Variants in TUT4 observed in about 807,000 individuals in gnomAD.
TUT4 encodes terminal uridylyltransferase 4.
TUT4 carries 36 observed loss-of-function variants against 192.2 expected under a neutral mutation model. The ratio of observed to expected loss-of-function variants is 0.19; its 90% CI spans 0.14 to 0.25. The LOEUF (loss-of-function observed/expected upper bound fraction) is 0.25. Among genes scored for constraint, TUT4 ranks in the 10% least tolerant of loss-of-function variants. The pLI is 1.00. For synonymous variants in TUT4, 618 were observed against 666.0 expected (o/e 0.93, Z 1.11); for missense variants, 1,493 against 1,957.2 (o/e 0.76, Z 4.47).
In TUT4 at chr1:52,431,477, A is replaced by T. The variant is rs1186061960; in HGVS notation, c.4264-17T>A. 7 of 1,457,248 alleles carry T rather than the reference A, an allele frequency of 4.8e-6. No homozygotes were observed. Among genetic ancestry groups the T allele is most frequent in the African/African-American group, 1.4e-5 (1 of 69,608 alleles). 90.3% of individuals were successfully genotyped at this position (1,457,248 alleles called of 1,614,324 possible). A position where few individuals can be genotyped will look rare whatever the true frequency, so the allele number is the denominator to read the frequency against. ...TGATTCAGACTGCAGACAAAAAAAA[A>T]ATTTTTTTTAATTAATTTATAAACA... is the stretch of plus-strand genomic sequence containing the variant. On this transcript the variant is annotated splice_polypyrimidine_tract_variant and intron_variant, in intron 27 of 29. Transcript: ENST00000257177.
chr1:52,520,765 C>A (rs1680025644), intron 2 of TUT4, among the ~76,000 whole-genome samples: 1 of 151,658 alleles, frequency 6.6e-6, no homozygotes, highest in African/African-American at 2.4e-5. Flanking sequence ...GGATTTAAAA[C>A]CACCTTACTT....
intron 1 of TUT4, among the ~76,000 whole-genome samples, chr1:52,539,641 A>T (rs1414141181): frequency 6.6e-6 from 1 of 152,178 alleles, no homozygotes; most frequent in African/African-American, 2.4e-5. Context: ...CTATAATCAC[A>T]GCACTTTGGG....
chr1:52,521,702 A>T (rs1336931449), intron 2 of TUT4, among the ~76,000 whole-genome samples: 1 of 151,674 alleles, frequency 6.6e-6, no homozygotes, highest in Non-Finnish European at 1.5e-5. Flanking sequence ...ACAGTGGCTC[A>T]CGCCTGTAAT....
At position 52,534,119 on chromosome 1, in the gene TUT4, T is replaced by G. The variant is rs1354979490; in HGVS notation, c.-93-7746A>C. ...CCTTGCCTAAGGAGAAGAGGTAACTTACTTCATCAGTGAGTTTGGGAAAAT... is the reference window on the plus strand; with the variant it reads ...CCTTGCCTAAGGAGAAGAGGTAACTGACTTCATCAGTGAGTTTGGGAAAAT... On this transcript the variant is annotated intron_variant, in intron 1 of 29. Transcript: ENST00000257177. Among the ~76,000 whole-genome samples, 3 of 152,204 alleles carry G rather than the reference T, an allele frequency of 2.0e-5. No homozygotes were observed. In the East Asian group the frequency reaches 5.8e-4, roughly 29 times the overall value.
chr1:52,515,722 G>T, intron 3 of TUT4, 169 bp downstream of exon 3: 1 of 752,042 alleles, frequency 1.3e-6, no homozygotes, highest in Non-Finnish European at 2.2e-6. Context: ...AAAAAGAGAG[G>T]CAAGGAAGAA....
intron 1 of TUT4, among the ~76,000 whole-genome samples, chr1:52,542,473 G>A (rs1466980216): frequency 6.6e-6 from 1 of 152,126 alleles, no homozygotes; most frequent in Non-Finnish European, 1.5e-5. Flanking sequence ...TGCAAGGATG[G>A]TTCAACATAT....
intron 28 of TUT4, 105 bp from the exon 29 acceptor site, chr1:52,425,612 A>G: frequency 7.6e-7 from 1 of 1,319,402 alleles, no homozygotes; most frequent in Non-Finnish European, 1.0e-6. Context: ...ATTGGCTAAG[A>G]ACTATGCTAA....
At chr1:52,510,317 C>CAAAAAAAAAAAAAAAAAAAAAAAAA in intron 3 of TUT4, among the ~76,000 whole-genome samples, 1 of 78,628 alleles carries the variant, frequency 1.3e-5, no homozygotes, top group Non-Finnish European at 2.6e-5. Context: ...TTCGTATTAA[C>CAAAAAAAAAAAAAAAAAAAAAAAAA]AAAAAAAAAA....
At chr1:52,455,418 A>T (rs570089488) in intron 20 of TUT4, among the ~76,000 whole-genome samples, 16 of 151,934 alleles carry the variant, frequency 1.1e-4, no homozygotes, top group Non-Finnish European at 2.2e-4. Flanking sequence ...GACCAGCCTG[A>T]GCAACATGGC....
intron 4 of TUT4, among the ~76,000 whole-genome samples, chr1:52,503,364 A>C (rs1472133637): frequency 6.6e-6 from 1 of 151,922 alleles, no homozygotes; most frequent in African/African-American, 2.4e-5. Flanking sequence ...TAAGAACTTT[A>C]CTCTGCCAAA....
At chr1:52,527,367 G>A (rs1182552571) in intron 1 of TUT4, among the ~76,000 whole-genome samples, 1 of 152,010 alleles carries the variant, frequency 6.6e-6, no homozygotes, top group African/African-American at 2.4e-5. Flanking sequence ...CCAACATAGT[G>A]AAACCCTGTC....
intron 19 of TUT4, among the ~76,000 whole-genome samples, chr1:52,459,328 C>T (rs1661865637): frequency 3.3e-5 from 5 of 151,420 alleles, no homozygotes; most frequent in Admixed American, 2.6e-4. Context: ...GTGGCTCATG[C>T]CTGTCATCTC....
intron 2 of TUT4, among the ~76,000 whole-genome samples, chr1:52,517,265 G>A (rs34811713): frequency 2.6e-4 from 40 of 152,226 alleles, no homozygotes; most frequent in Admixed American, 7.2e-4. Flanking sequence ...GCTAATGACC[G>A]GGGTCTTACT....
chr1:52,511,109 C>T (rs1228715011), intron 3 of TUT4, among the ~76,000 whole-genome samples: 2 of 152,114 alleles, frequency 1.3e-5, no homozygotes, highest in African/African-American at 2.4e-5. Context: ...AGCAACAATC[C>T]TGCTACAGAC....
chr1:52,471,324 T>C (rs2148840221), intron 14 of TUT4, among the ~76,000 whole-genome samples: 1 of 152,312 alleles, frequency 6.6e-6, no homozygotes, highest in Non-Finnish European at 1.5e-5. Flanking sequence ...CACTCTATGC[T>C]TTTATGCATA....
chr1:52,484,043 G>GCAAAA (rs1215770257), intron 9 of TUT4, among the ~76,000 whole-genome samples: 3 of 151,700 alleles, frequency 2.0e-5, no homozygotes, highest in South Asian at 2.1e-4. Flanking sequence ...TCTTGAAAAA[G>GCAAAA]CAAAACAAAA....
chr1:52,464,947 A>G, intron 16 of TUT4, 123 bp downstream of exon 16: 1 of 653,418 alleles, frequency 1.5e-6, no homozygotes, highest in Non-Finnish European at 2.4e-6. Flanking sequence ...TCAAACACTT[A>G]TTTTGCTAAT....
intron 1 of TUT4, among the ~76,000 whole-genome samples, chr1:52,536,892 G>A (rs1325724163): frequency 3.3e-5 from 5 of 151,908 alleles, no homozygotes; most frequent in Admixed American, 6.6e-5. Context: ...TAGGCCGGGC[G>A]CGGTGGCTCA....
At chr1:52,531,164 G>A (rs1683287280) in intron 1 of TUT4, among the ~76,000 whole-genome samples, 1 of 151,508 alleles carries the variant, frequency 6.6e-6, no homozygotes, top group African/African-American at 2.4e-5. Context: ...TGGTAAATGG[G>A]TATTAAATGA....
Sources: gnomAD v4.1 joint callset for allele counts (sites outside exome capture counted in the v4.1 genomes callset) on GRCh38, gnomAD v4.1.1 for gene constraint, MANE v1.5 for transcripts, NCBI Gene and HGNC (gene_info 2026-07-23, HGNC 2026-07-21) for gene names.